MAP4K3: variants seen among roughly 807,000 people sequenced by gnomAD.
The protein encoded by MAP4K3 is MAPK/ERK kinase kinase kinase 3.
Under a neutral mutation model 143.5 loss-of-function variants are expected in MAP4K3, and 94 were observed. The ratio of observed to expected loss-of-function variants is 0.65; its 90% CI spans 0.55 to 0.78. MAP4K3 has a LOEUF of 0.78. Ranked by LOEUF, MAP4K3 falls within the 30% of genes least tolerant of loss-of-function variation. The pLI, the probability that MAP4K3 is intolerant of heterozygous loss-of-function variation, is 0.00. For missense variants in MAP4K3, 1,077 were observed against 1,068.1 expected (o/e 1.01, Z -0.12); for synonymous variants, 416 against 347.2 (o/e 1.20, Z -2.20).
chr2:39,373,408 C>G (rs945671799), intron 2 of MAP4K3, among the ~76,000 whole-genome samples: 1 of 152,092 alleles, frequency 6.6e-6, no homozygotes, highest in African/African-American at 2.4e-5. Context: ...AATAGAACTA[C>G]CATACAATCA....
chr2:39,255,656 T>G (rs190216913), intron 31 of MAP4K3, among the ~76,000 whole-genome samples: 25 of 152,340 alleles, frequency 1.6e-4, no homozygotes, highest in African/African-American at 6.0e-4. Context: ...TTCTTATTCT[T>G]GGTCTTTGGC....
At chr2:39,306,305 T>G (rs975485236) in intron 15 of MAP4K3, among the ~76,000 whole-genome samples, 1 of 152,266 alleles carries the variant, frequency 6.6e-6, no homozygotes, top group Non-Finnish European at 1.5e-5. Context: ...ACATTTTCAA[T>G]CCAGCAAGCA....
intron 15 of MAP4K3, among the ~76,000 whole-genome samples, chr2:39,300,388 C>T (rs1573116197): frequency 6.6e-6 from 1 of 152,062 alleles, no homozygotes; most frequent in Non-Finnish European, 1.5e-5. Flanking sequence ...AAGGCAGTTC[C>T]TCAACTGTTT....
At chr2:39,307,553 T>G (rs1399767290) in intron 15 of MAP4K3, among the ~76,000 whole-genome samples, 1 of 151,116 alleles carries the variant, frequency 6.6e-6, no homozygotes, top group South Asian at 2.1e-4. Flanking sequence ...TATGAATATA[T>G]GTACCATATA....
intron 1 of MAP4K3, among the ~76,000 whole-genome samples, chr2:39,425,009 T>A (rs1665023001): frequency 6.6e-6 from 1 of 151,748 alleles, no homozygotes; most frequent in Non-Finnish European, 1.5e-5. Flanking sequence ...AACTGAGAAA[T>A]TAAAATAAAA....
chr2:39,404,621 T>C (rs866664051), intron 1 of MAP4K3, among the ~76,000 whole-genome samples: 73 of 143,498 alleles, frequency 5.1e-4, no homozygotes, highest in Admixed American at 6.8e-4. Context: ...TTCTTTCTTT[T>C]TTTTTTTTTT....
Position 39,250,530 on chromosome 2 carries a change from G to T in MAP4K3, c.*88C>A. On this transcript the variant is annotated 3_prime_UTR_variant, in exon 34 of 34. Transcript: ENST00000263881. Reference sequence around the variant, plus strand: ...ACAAAGTAACTGAAGACAGGTTACTGCAGCTTTTGTACAGCTTCAAGCATC... The same window carrying T: ...ACAAAGTAACTGAAGACAGGTTACTTCAGCTTTTGTACAGCTTCAAGCATC... 8.0e-7 allele frequency: 1 copy of T among 1,244,860 alleles called. No homozygotes were observed. The highest frequency in any genetic ancestry group is 1.1e-6 in the Non-Finnish European group (1 of 878,250). The allele number at this position is 1,244,860 out of a possible 1,614,324, so 77.1% of individuals were successfully genotyped here.
intron 26 of MAP4K3, among the ~76,000 whole-genome samples, chr2:39,270,763 A>G (rs369728505): frequency 5.5e-4 from 84 of 152,328 alleles, no homozygotes; most frequent in African/African-American, 1.8e-3. Flanking sequence ...CAGATTAAGA[A>G]TAAGACACTC....
chr2:39,435,367 C>T (rs183101537), intron 1 of MAP4K3, among the ~76,000 whole-genome samples: 1 of 152,314 alleles, frequency 6.6e-6, no homozygotes, highest in East Asian at 1.9e-4. Context: ...CCTGCAAGAT[C>T]TAGGGCCACC....
At chr2:39,371,300 T>C (rs899833229) in intron 2 of MAP4K3, among the ~76,000 whole-genome samples, 7 of 152,208 alleles carry the variant, frequency 4.6e-5, no homozygotes, top group African/African-American at 1.2e-4. Flanking sequence ...GACTTCAGGA[T>C]TGGATTATAA....
intron 1 of MAP4K3, among the ~76,000 whole-genome samples, chr2:39,407,699 G>C (rs913670565): frequency 2.0e-5 from 3 of 152,262 alleles, no homozygotes; most frequent in Middle Eastern, 3.4e-3. Context: ...AGCCTCCTGA[G>C]ATGGAAACTG....
chr2:39,309,279 A>G (rs576480171), intron 14 of MAP4K3, among the ~76,000 whole-genome samples, 182 bp downstream of exon 14: 2 of 152,278 alleles, frequency 1.3e-5, no homozygotes, highest in African/African-American at 2.4e-5. Context: ...ACACACTGCC[A>G]CGTCAACTAA....
intron 23 of MAP4K3, among the ~76,000 whole-genome samples, chr2:39,279,551 G>T (rs891222405): frequency 6.6e-6 from 1 of 152,128 alleles, no homozygotes; most frequent in Non-Finnish European, 1.5e-5. Flanking sequence ...GGTTGCCTAA[G>T]GACAACTGTT....
intron 1 of MAP4K3, among the ~76,000 whole-genome samples, chr2:39,386,150 C>T (rs1666500146): frequency 6.6e-6 from 1 of 152,056 alleles, no homozygotes; most frequent in Non-Finnish European, 1.5e-5. Flanking sequence ...GACTGATGTC[C>T]CTTTAAGAAA....
chr2:39,320,630 G>A (rs528939763), intron 12 of MAP4K3, among the ~76,000 whole-genome samples: 54 of 152,086 alleles, frequency 3.6e-4, no homozygotes, highest in African/African-American at 1.2e-3. Context: ...CTGAAGGTGG[G>A]TAGAATGGAG....
At chr2:39,417,624 C>T (rs1667421984) in intron 1 of MAP4K3, among the ~76,000 whole-genome samples, 1 of 152,186 alleles carries the variant, frequency 6.6e-6, no homozygotes, top group African/African-American at 2.4e-5. Flanking sequence ...ATCAGTTTAG[C>T]TTAAAACAGA....
chr2:39,394,659 G>A (rs1352887511), intron 1 of MAP4K3, among the ~76,000 whole-genome samples: 1 of 152,096 alleles, frequency 6.6e-6, no homozygotes, highest in Non-Finnish European at 1.5e-5. Flanking sequence ...TCACAAATAA[G>A]TTATAAAAGA....
intron 6 of MAP4K3, among the ~76,000 whole-genome samples, chr2:39,335,492 A>G (rs1467489339): frequency 6.6e-6 from 1 of 152,198 alleles, no homozygotes; most frequent in Admixed American, 6.5e-5. Context: ...AACCAGTCCC[A>G]TCTCTAATTA....
chr2:39,342,473 C>A (rs943782475), intron 4 of MAP4K3, among the ~76,000 whole-genome samples: 8 of 152,116 alleles, frequency 5.3e-5, no homozygotes, highest in Non-Finnish European at 7.4e-5. Context: ...CTTTTAAAGA[C>A]CAATGTAAGT....
Sources: allele counts gnomAD v4.1 joint callset (sites outside exome capture counted in the v4.1 genomes callset), GRCh38; gene constraint gnomAD v4.1.1; transcripts MANE v1.5; gene names NCBI Gene and HGNC (gene_info 2026-07-23, HGNC 2026-07-21).